The following DTL variants were observed in gnomAD, a reference collection of about 807,000 sequenced individuals.
The protein encoded by DTL is denticleless E3 ubiquitin protein ligase adapter.
A neutral mutation model predicts 87.0 loss-of-function variants in DTL; 46 were observed. The ratio of observed to expected loss-of-function variants is 0.53; its 90% confidence interval spans 0.42 to 0.68. The LOEUF is 0.68. Ranked by LOEUF, DTL falls within the 30% of genes least tolerant of loss-of-function variation. The pLI, the probability that DTL is intolerant of heterozygous loss-of-function variation, is 0.00. For synonymous variants in DTL, 308 were observed against 311.2 expected, an observed-to-expected ratio of 0.99 and a Z score of 0.11; for missense variants, 737 against 869.4, an observed-to-expected ratio of 0.85 and a Z score of 1.91.
rs1188571634 is a variant in DTL at position 212,100,294 on chromosome 1, G to C, written c.1304G>C (p.Arg435Thr). Reference protein sequence around the residue: ...SSQSTPAKAPRAKCNPSNSSP... With the variant: ...SSQSTPAKAPTAKCNPSNSSP... ...CAGAGTACTCCTGCCAAAGCCCCCAGGGCAAAGTGCAATCCATCCAATTCT... is the reference window on the plus strand; with the variant it reads ...CAGAGTACTCCTGCCAAAGCCCCCACGGCAAAGTGCAATCCATCCAATTCT... The change falls in exon 14 of 15, where the codon AGG becomes ACG. Residue 435 changes from arginine to threonine, a missense_variant. Physicochemically the swap from Arg to Thr is moderately conservative, Grantham distance 71. Transcript: ENST00000366991. 9 of 1,600,508 alleles carry C rather than the reference G, an allele frequency of 5.6e-6. No homozygotes were observed. The highest frequency in any genetic ancestry group is 5.4e-5 in the African/African-American group (4 of 74,354).
intron 13 of DTL, among the ~76,000 whole-genome samples, chr1:212,081,163 A>G (rs2102567769): frequency 6.6e-6 from 1 of 152,314 alleles, no homozygotes; most frequent in Middle Eastern, 3.4e-3. Flanking sequence ...GGAAAGGGAG[A>G]AGGGCAAGGG....
At chr1:212,060,528 G>A (rs1229718971) in intron 5 of DTL, among the ~76,000 whole-genome samples, 1 of 152,082 alleles carries the variant, frequency 6.6e-6, no homozygotes, top group Non-Finnish European at 1.5e-5. Flanking sequence ...CTGAGCTCAG[G>A]AGTTCAAGAC....
chr1:212,071,872 A>T (rs1189105528), intron 10 of DTL, among the ~76,000 whole-genome samples: 1 of 152,114 alleles, frequency 6.6e-6, no homozygotes. Context: ...CCATTTTCGT[A>T]CCAAGTACTC....
At chr1:212,038,967 A>T (rs1667562822) in intron 1 of DTL, among the ~76,000 whole-genome samples, 1 of 152,182 alleles carries the variant, frequency 6.6e-6, no homozygotes, top group Admixed American at 6.5e-5. Flanking sequence ...ACTCCTCTTT[A>T]TCTGCTGGAC....
chr1:212,077,544 C>T (rs1408715930), intron 11 of DTL: 1 of 152,840 alleles, frequency 6.5e-6, no homozygotes, highest in African/African-American at 2.4e-5. Flanking sequence ...ATAGTTTATA[C>T]CCCTTCAGAA....
intron 13 of DTL, among the ~76,000 whole-genome samples, chr1:212,094,803 T>C (rs1420670432): frequency 6.6e-6 from 1 of 152,212 alleles, no homozygotes; most frequent in Admixed American, 6.5e-5. Context: ...GTTTTCCTTG[T>C]AGAGGTCTTT....
chr1:212,050,726 A>ACTCAAGATTG (rs78760417), intron 5 of DTL, among the ~76,000 whole-genome samples: 1 of 151,878 alleles, frequency 6.6e-6, no homozygotes, highest in South Asian at 2.1e-4. Flanking sequence ...TTAGGAGAAG[A>ACTCAAGATTG]TATTTGGCCT....
At chr1:212,036,672 CTT>C (rs943970397) in intron 1 of DTL, among the ~76,000 whole-genome samples, 2 of 152,178 alleles carry the variant, frequency 1.3e-5, no homozygotes, top group African/African-American at 4.8e-5. Flanking sequence ...AGAAATCTAA[CTT>C]ATTTTCTTAC....
chr1:212,065,943 G>A (rs1427254229), intron 7 of DTL, among the ~76,000 whole-genome samples: 8 of 151,972 alleles, frequency 5.3e-5, no homozygotes, highest in Admixed American at 5.2e-4. Context: ...CTGACCTCGT[G>A]AGCCTCCCAA....
At chr1:212,082,565 A>G (rs1455094218) in intron 13 of DTL, among the ~76,000 whole-genome samples, 2 of 152,188 alleles carry the variant, frequency 1.3e-5, no homozygotes. Flanking sequence ...TGCCAGGAAC[A>G]TGGATAGTTG....
At chr1:212,093,633 C>T (rs1034841963) in intron 13 of DTL, among the ~76,000 whole-genome samples, 1 of 152,250 alleles carries the variant, frequency 6.6e-6, no homozygotes, top group Non-Finnish European at 1.5e-5. Context: ...CTGCCTATGC[C>T]TGTCAGTGTG....
intron 13 of DTL, among the ~76,000 whole-genome samples, chr1:212,095,277 A>T (rs961360705): frequency 3.3e-5 from 5 of 151,996 alleles, no homozygotes; most frequent in South Asian, 4.1e-4. Flanking sequence ...TTCTATGCTG[A>T]TTTTGCTGAG....
chr1:212,069,818 A>G (rs1654618773), intron 10 of DTL, among the ~76,000 whole-genome samples: 2 of 152,162 alleles, frequency 1.3e-5, no homozygotes, highest in Non-Finnish European at 1.5e-5. Flanking sequence ...TGCTGGGATT[A>G]CAGGCGTGAG....
At chr1:212,095,045 G>A (rs1458341385) in intron 13 of DTL, among the ~76,000 whole-genome samples, 1 of 152,114 alleles carries the variant, frequency 6.6e-6, no homozygotes, top group Non-Finnish European at 1.5e-5. Context: ...AACAGTGACA[G>A]GTTGACTTCC....
intron 13 of DTL, among the ~76,000 whole-genome samples, chr1:212,096,429 G>T (rs1655453165): frequency 6.6e-6 from 1 of 152,056 alleles, no homozygotes; most frequent in Admixed American, 6.6e-5. Flanking sequence ...GGTTTGGTTT[G>T]TTCTTATTTC....
At position 212,052,002 on chromosome 1, in the gene DTL, G is replaced by C. The variant is rs61828543; in HGVS notation, c.460+4585G>C. ...GCCTCTCCTCTTTCCCTTTGTGTTT[G>C]TCATTTTGGCGAATTACTGGAAGAT... On this transcript the variant is annotated intron_variant, in intron 5 of 14. Transcript: ENST00000366991. 3 of 828,002 alleles carry C rather than the reference G, an allele frequency of 3.6e-6. No individual in the cohort carries two copies. The Admixed American group carries it at 5.2e-5, about 14-fold the overall frequency. 51.3% of individuals were successfully genotyped at this position (828,002 alleles called of 1,614,324 possible).
At chr1:212,052,882 G>T (rs1350114461) in intron 5 of DTL, among the ~76,000 whole-genome samples, 2 of 151,884 alleles carry the variant, frequency 1.3e-5, no homozygotes, top group African/African-American at 4.8e-5. Context: ...CGGTTTAGTG[G>T]TTTTTAGTTT....
At chr1:212,063,077 A>G in intron 6 of DTL, 128 bp downstream of exon 6, 2 of 692,970 alleles carry the variant, frequency 2.9e-6, no homozygotes, top group Non-Finnish European at 2.6e-6. Flanking sequence ...ATTTCTGCTC[A>G]CTGTTCCAGA....
Position 212,093,331 on chromosome 1 carries a change from A to G in DTL, c.1262-6921A>G, listed in dbSNP as rs548017740. On this transcript the variant is annotated intron_variant, in intron 13 of 14. Coordinates refer to ENST00000366991, the MANE Select transcript of DTL (RefSeq NM_016448.4). Reference sequence around the variant, plus strand: ...GTGTGCTCTTTTAGTTTTGCTGTCTATAGGCGGCTTGTGTTAACCAGCTCT... The same window carrying G: ...GTGTGCTCTTTTAGTTTTGCTGTCTGTAGGCGGCTTGTGTTAACCAGCTCT... 3.0e-4 allele frequency among the ~76,000 whole-genome samples: 45 copies of G among 152,302 alleles called. No individual in the cohort carries two copies. The Middle Eastern group carries it at 0.014, about 46-fold the overall frequency.
Sources: gnomAD v4.1 joint callset for allele counts (sites outside exome capture counted in the v4.1 genomes callset) on GRCh38, gnomAD v4.1.1 for gene constraint, MANE v1.5 for transcripts, NCBI Gene and HGNC (gene_info 2026-07-23, HGNC 2026-07-21) for gene names.